Variants in KCNH7 observed in about 807,000 individuals in gnomAD.
The protein encoded by KCNH7 is potassium voltage-gated channel subfamily H member 7, also known as voltage-gated inwardly rectifying potassium channel KCNH7.
In KCNH7, 49 loss-of-function variants were observed where a neutral mutation model predicts 120.8. The observed-to-expected ratio is 0.41, with a 90% CI of 0.32 to 0.51. The LOEUF (loss-of-function observed/expected upper bound fraction) is 0.51. Among genes scored for constraint, KCNH7 ranks in the 20% least tolerant of loss-of-function variants. The pLI is 0.38. For missense variants in KCNH7, 1,097 were observed against 1,446.6 expected, an observed-to-expected ratio of 0.76 and a Z score of 3.92; for synonymous variants, 547 against 516.1, an observed-to-expected ratio of 1.06 and a Z score of -0.81.
intron 2 of KCNH7, among the ~76,000 whole-genome samples, chr2:162,561,683 A>G (rs575295587): frequency 1.1e-4 from 16 of 152,246 alleles, no homozygotes; most frequent in Non-Finnish European, 1.6e-4. Context: ...GGTTGCATAA[A>G]TGTCTTCTTT....
chr2:162,546,145 T>C (rs1692469412), intron 2 of KCNH7, among the ~76,000 whole-genome samples: 1 of 152,174 alleles, frequency 6.6e-6, no homozygotes, highest in Non-Finnish European at 1.5e-5. Flanking sequence ...TTCTCAGCTC[T>C]GGTTCCTACT....
Position 162,371,984 on chromosome 2 carries a change from G to T in KCNH7, c.3436C>A (p.Gln1146Lys). ...SEDNLTSLLKQDSDLSLELHL... is the reference protein window; with the variant it reads ...SEDNLTSLLKKDSDLSLELHL... Reference sequence around the variant, plus strand: ...AGCTCTAAAGAGAGATCACTGTCTTGTTTTAAAAGTGAAGTCAAGTTGTCT... The same window carrying T: ...AGCTCTAAAGAGAGATCACTGTCTTTTTTTAAAAGTGAAGTCAAGTTGTCT... Residue 1146 changes from glutamine to lysine, a missense_variant, in exon 16 of 16, where the codon CAA becomes AAA. By Grantham distance (53) the Gln-to-Lys change is moderately conservative. This residue lies in a region of KCNH7 where 406 missense variants were observed against 410.5 expected (regional missense o/e 0.99). Coordinates refer to ENST00000332142, the MANE Select transcript of KCNH7 (RefSeq NM_033272.4). The T allele has an allele frequency of 6.2e-7, 1 of 1,613,808 alleles. No homozygotes were observed. The highest frequency in any genetic ancestry group is 8.5e-7 in the Non-Finnish European group (1 of 1,179,848).
At chr2:162,642,376 T>C (rs866944968) in intron 2 of KCNH7, among the ~76,000 whole-genome samples, 1 of 152,242 alleles carries the variant, frequency 6.6e-6, no homozygotes, top group South Asian at 2.1e-4. Flanking sequence ...ATTTAACATA[T>C]GAGTTGTACA....
At chr2:162,492,906 T>A (rs1690367932) in intron 6 of KCNH7, among the ~76,000 whole-genome samples, 1 of 145,744 alleles carries the variant, frequency 6.9e-6, no homozygotes, top group Admixed American at 7.1e-5. Flanking sequence ...AAAGGTTTTT[T>A]TCTCAGTCAA....
intron 2 of KCNH7, among the ~76,000 whole-genome samples, chr2:162,699,405 A>G (rs893322220): frequency 1.3e-5 from 2 of 152,054 alleles, no homozygotes; most frequent in Admixed American, 1.3e-4. Context: ...TGCAGTTTTA[A>G]ACTTCATTAC....
intron 2 of KCNH7, among the ~76,000 whole-genome samples, chr2:162,575,363 C>T (rs1374750743): frequency 6.6e-6 from 1 of 152,038 alleles, no homozygotes; most frequent in Admixed American, 6.6e-5. Flanking sequence ...ACTTGATCCT[C>T]TAGAATATTC....
intron 2 of KCNH7, among the ~76,000 whole-genome samples, chr2:162,625,270 G>A (rs1002713544): frequency 6.6e-6 from 1 of 152,008 alleles, no homozygotes; most frequent in Non-Finnish European, 1.5e-5. Flanking sequence ...ATGAGCTGGG[G>A]CAATATACTT....
intron 2 of KCNH7, among the ~76,000 whole-genome samples, chr2:162,555,834 C>A (rs556831153): frequency 1.3e-5 from 2 of 151,938 alleles, no homozygotes; most frequent in Admixed American, 1.3e-4. Flanking sequence ...TTCTGATCTA[C>A]TTGAGTAAAA....
In KCNH7 at chr2:162,507,585, G is replaced by A. The variant is rs1187043085; in HGVS notation, c.914-2928C>T. Among the ~76,000 whole-genome samples, 3 of 151,420 alleles carry A rather than the reference G, an allele frequency of 2.0e-5. No individual in the cohort carries two copies. In the East Asian group the frequency reaches 5.9e-4, roughly 30 times the overall value. ...TCTCATTACATAACAAAGCATGTTT[G>A]CAGGATCTTTTCTAATGTATTAGAG... On this transcript the variant is annotated intron_variant, in intron 5 of 15. Coordinates refer to ENST00000332142, the MANE Select transcript of KCNH7 (RefSeq NM_033272.4).
chr2:162,827,286 T>C (rs1231200026), intron 2 of KCNH7, among the ~76,000 whole-genome samples: 1 of 152,072 alleles, frequency 6.6e-6, no homozygotes, highest in African/African-American at 2.4e-5. Context: ...AAGGACACCA[T>C]GTATGTCCCT....
chr2:162,821,732 A>C (rs1022900104), intron 2 of KCNH7, among the ~76,000 whole-genome samples: 1 of 152,146 alleles, frequency 6.6e-6, no homozygotes, highest in African/African-American at 2.4e-5. Flanking sequence ...TGTGGTGCTT[A>C]TATTTGGACA....
chr2:162,487,446 C>G (rs1018013805), intron 6 of KCNH7, among the ~76,000 whole-genome samples: 1 of 151,942 alleles, frequency 6.6e-6, no homozygotes, highest in Non-Finnish European at 1.5e-5. Context: ...TTCTCAGGCT[C>G]CACTGATATA....
intron 2 of KCNH7, among the ~76,000 whole-genome samples, chr2:162,593,580 A>G (rs920418318): frequency 2.6e-5 from 4 of 152,070 alleles, no homozygotes; most frequent in African/African-American, 9.7e-5. Flanking sequence ...AAGCTGGAAT[A>G]GTGTAGGCAG....
chr2:162,838,699 C>A lies in KCNH7; in HGVS notation c.-181G>T. 2.3e-6 allele frequency: 1 copy of A among 425,774 alleles called. No individual in the cohort carries two copies. The allele number at this position is 425,774 out of a possible 1,614,324, so 26.4% of individuals were successfully genotyped here. A position where few individuals can be genotyped will look rare whatever the true frequency, so the allele number is the denominator to read the frequency against. The stretch of plus-strand genomic sequence containing the variant: ...GACACCCGCTTTCCCCACCGGAGTC[C>A]AATCCATTCCCCTCACCTTCCGGAG... On this transcript the variant is annotated 5_prime_UTR_variant, in exon 1 of 16. Transcript: ENST00000332142.
chr2:162,594,448 A>G (rs1236415315), intron 2 of KCNH7, among the ~76,000 whole-genome samples: 1 of 151,952 alleles, frequency 6.6e-6, no homozygotes, highest in Non-Finnish European at 1.5e-5. Flanking sequence ...ACTACTTCCA[A>G]ATTAATTTTA....
intron 2 of KCNH7, among the ~76,000 whole-genome samples, chr2:162,770,459 G>T (rs982511920): frequency 6.6e-6 from 1 of 151,800 alleles, no homozygotes; most frequent in African/African-American, 2.4e-5. Context: ...AAGCACAAGT[G>T]TTCCAATATC....
chr2:162,779,190 T>C (rs1201700828), intron 2 of KCNH7, among the ~76,000 whole-genome samples: 1 of 151,900 alleles, frequency 6.6e-6, no homozygotes, highest in Non-Finnish European at 1.5e-5. Context: ...TTTTTTTTGT[T>C]TTTTTTGTTT....
chr2:162,432,464 A>G (rs1318275449), intron 8 of KCNH7, among the ~76,000 whole-genome samples: 2 of 152,058 alleles, frequency 1.3e-5, no homozygotes, highest in Admixed American at 6.6e-5. Context: ...AATTTATTTA[A>G]ATTTCATTAA....
In KCNH7 at chr2:162,492,865, G is replaced by GTTTTTTTT. The variant is rs67006443; in HGVS notation, c.1128+11570_1128+11577dup. 1.9e-3 allele frequency among the ~76,000 whole-genome samples: 110 copies of GTTTTTTTT among 57,148 alleles called. 1 individual carries two copies. Among genetic ancestry groups the GTTTTTTTT allele is most frequent in the Non-Finnish European group, 2.4e-3 (68 of 28,048 alleles). The allele number at this position is 57,148 out of a possible 152,430, so 37.5% of individuals were successfully genotyped here. On this transcript the variant is annotated intron_variant, in intron 6 of 15. Coordinates refer to ENST00000332142, the MANE Select transcript of KCNH7 (RefSeq NM_033272.4). ...CTATGTTTTTCTCTTCTTGGATCTTGTTTTTTTTTTTTTTTTTTTTTTTTT... is the reference window on the plus strand; with the variant it reads ...CTATGTTTTTCTCTTCTTGGATCTTGTTTTTTTTTTTTTTTTTTTTTTTTTTTTTTTTT...
Sources: gnomAD v4.1 joint callset for allele counts (sites outside exome capture counted in the v4.1 genomes callset) on GRCh38, gnomAD v4.1.1 for gene constraint, gnomAD v4.1.1 regional missense constraint, MANE v1.5 for transcripts, NCBI Gene and HGNC (gene_info 2026-07-23, HGNC 2026-07-21) for gene names.